PRMT7: variants seen among roughly 807,000 people sequenced by gnomAD.
PRMT7 encodes the protein protein arginine N-methyltransferase 7.
In PRMT7, 75 loss-of-function variants were observed where a neutral mutation model predicts 85.4. The ratio of observed to expected loss-of-function variants is 0.88; its 90% CI spans 0.73 to 1.06. The LOEUF (loss-of-function observed/expected upper bound fraction) is 1.06. Among genes scored for constraint, PRMT7 ranks in the 50% least tolerant of loss-of-function variants. The pLI is 0.00. For missense variants in PRMT7, 868 were observed against 915.2 expected (o/e 0.95, Z 0.67); for synonymous variants, 397 against 359.5 (o/e 1.10, Z -1.18).
chr16:68,346,666 CT>C (rs2086443428), intron 11 of PRMT7, among the ~76,000 whole-genome samples: 1 of 152,106 alleles, frequency 6.6e-6, no homozygotes, highest in South Asian at 2.1e-4. Flanking sequence ...CCTTTGCTCC[CT>C]GCTACCTGTA....
chr16:68,336,805 T>C (rs1219694974), intron 6 of PRMT7, among the ~76,000 whole-genome samples: 1 of 152,108 alleles, frequency 6.6e-6, no homozygotes, highest in Non-Finnish European at 1.5e-5. Context: ...CAGGCTGGAG[T>C]ACAGTGGCAC....
intron 1 of PRMT7, chr16:68,311,377 A>G (rs1270524317): frequency 3.7e-6 from 1 of 273,440 alleles, no homozygotes; most frequent in Non-Finnish European, 7.2e-6. Flanking sequence ...CAGTAGCTCC[A>G]ACCATCGCAC....
At chr16:68,352,211 A>G (rs759763534) in intron 14 of PRMT7, 37 bp from the exon 15 acceptor site, 14 of 1,604,984 alleles carry the variant, frequency 8.7e-6, no homozygotes, top group Admixed American at 5.0e-5. Flanking sequence ...ACCGAGCCCT[A>G]CTGACACCTG....
intron 4 of PRMT7, 105 bp downstream of exon 4, chr16:68,321,567 A>C: frequency 9.0e-7 from 1 of 1,107,928 alleles, no homozygotes. Flanking sequence ...TGATACTGAG[A>C]GGCGTATGGT....
chr16:68,322,404 C>T (rs1259287171), intron 4 of PRMT7: 1 of 451,282 alleles, frequency 2.2e-6, no homozygotes, highest in Non-Finnish European at 4.4e-6. Flanking sequence ...CGCTGTATTG[C>T]CCAGGCTGGT....
At chr16:68,329,338 T>C (rs2083529615) in intron 6 of PRMT7, 164 bp downstream of exon 6, 3 of 528,484 alleles carry the variant, frequency 5.7e-6, no homozygotes, top group Admixed American at 3.2e-5. Flanking sequence ...ATGTTTATTT[T>C]CCTGCTAGTT....
intron 9 of PRMT7, among the ~76,000 whole-genome samples, chr16:68,343,291 A>G (rs1199598109): frequency 6.6e-6 from 1 of 152,144 alleles, no homozygotes; most frequent in South Asian, 2.1e-4. Flanking sequence ...TTAGTAGACA[A>G]ACAAGGTAAC....
intron 6 of PRMT7, among the ~76,000 whole-genome samples, chr16:68,331,574 C>G (rs1446123899): frequency 6.7e-6 from 1 of 150,276 alleles, no homozygotes; most frequent in Non-Finnish European, 1.5e-5. Context: ...CTCAAGCAGT[C>G]CTCCTGCTTC....
intron 2 of PRMT7, among the ~76,000 whole-genome samples, 178 bp downstream of exon 2, chr16:68,312,354 C>G (rs1289902848): frequency 6.6e-6 from 1 of 151,514 alleles, no homozygotes; most frequent in Non-Finnish European, 1.5e-5. Context: ...TCCCGAGTAG[C>G]TGGGAGTAAC....
chr16:68,356,036 C>T lies in PRMT7; in HGVS notation c.1811+153C>T, dbSNP rs188047213. Among the ~76,000 whole-genome samples, 50 of 152,324 alleles carry T rather than the reference C, an allele frequency of 3.3e-4. No homozygotes were observed. The East Asian group carries it at 8.1e-3, about 25-fold the overall frequency. On this transcript the variant is annotated intron_variant, in intron 17 of 18. Transcript: ENST00000441236. ...CCTTGCCCTTCCCTGTCAGAGTGGC[C>T]CTGCGCGTGTGGTGGTTCCCACGGT...
intron 14 of PRMT7, among the ~76,000 whole-genome samples, chr16:68,349,894 C>G (rs1352520695): frequency 1.3e-5 from 2 of 151,766 alleles, no homozygotes. Flanking sequence ...TACCTTGTCT[C>G]TAAAAAAAAT....
chr16:68,324,791 A>G lies in PRMT7; in HGVS notation c.241A>G (p.Met81Val). 6.2e-7 allele frequency: 1 copy of G among 1,614,214 alleles called. No individual in the cohort carries two copies. Among genetic ancestry groups the G allele is most frequent in the Non-Finnish European group, 8.5e-7 (1 of 1,180,028 alleles). Residue 81 changes from methionine (M) to valine (V), a missense_variant, in exon 5 of 19, where the codon ATG becomes GTG. By Grantham distance (21) the Met-to-Val change is conservative. Coordinates refer to ENST00000441236, the MANE Select transcript of PRMT7 (RefSeq NM_019023.5). ...IGTGTGLLSMMAVTAGADFCY... is the reference protein window; with the variant it reads ...IGTGTGLLSMVAVTAGADFCY... ...CACTGGCACGGGACTCTTGTCAATG[A>G]TGGCGGTCACAGCAGGTGCCGACTT...
At chr16:68,340,512 T>C (rs1478474878) in intron 9 of PRMT7, among the ~76,000 whole-genome samples, 2 of 151,500 alleles carry the variant, frequency 1.3e-5, no homozygotes, top group African/African-American at 2.4e-5. Flanking sequence ...ACCCAGGAAG[T>C]TGAGGCTGCA....
Position 68,357,201 on chromosome 16 carries a change from AG to A in PRMT7, c.2058del (p.Arg686SerfsTer11), listed in dbSNP as rs1207408556. On this transcript the variant is annotated frameshift_variant, in exon 19 of 19. Transcript: ENST00000441236. LOFTEE classifies it low-confidence loss of function (END_TRUNC). ...CACAGGCGACATCATCATGGAGTTCAGGCATGCAGATACCCCAGACTGACCA... is the reference window on the plus strand; with the variant it reads ...CACAGGCGACATCATCATGGAGTTCAGCATGCAGATACCCCAGACTGACCA... The part of the protein sequence containing the change: ...PDTGDIIMEF[R>X]HADTPD 2 of 1,613,282 alleles carry A rather than the reference AG, an allele frequency of 1.2e-6. No individual in the cohort carries two copies. The highest frequency in any genetic ancestry group is 1.7e-6 in the Non-Finnish European group (2 of 1,179,688).
At position 68,350,269 on chromosome 16, in the gene PRMT7, C is replaced by G. The variant is rs996102949; in HGVS notation, c.1413+1838C>G. 2.0e-5 allele frequency among the ~76,000 whole-genome samples: 3 copies of G among 152,194 alleles called. No individual in the cohort carries two copies. In the East Asian group the frequency reaches 5.8e-4, roughly 29 times the overall value. On this transcript the variant is annotated intron_variant, in intron 14 of 18. Transcript: ENST00000441236. ...CTTAGAGAGGATGTATGTCCTCAGT[C>G]TCTTATGCAGATGCCTTGGTGTGGA... is the stretch of plus-strand genomic sequence containing the variant.
At chr16:68,317,237 C>CAA (rs35849810) in intron 3 of PRMT7, among the ~76,000 whole-genome samples, 54,512 of 103,688 alleles carry the variant, frequency 0.53, 14,635 homozygotes, top group East Asian at 0.79. Flanking sequence ...GACTCTGTCT[C>CAA]AAAAAAAAAA....
intron 3 of PRMT7, chr16:68,316,740 T>C (rs111368654): frequency 0.023 from 3,466 of 152,856 alleles, 154 homozygotes; most frequent in African/African-American, 0.078. Flanking sequence ...CACTCCAGCC[T>C]GGGCAACAAG....
intron 7 of PRMT7, 93 bp downstream of exon 7, chr16:68,337,664 C>G (rs1256206813): frequency 1.0e-5 from 7 of 693,940 alleles, no homozygotes; most frequent in South Asian, 2.9e-5. Context: ...AGCCCAAGCC[C>G]TCAGCACCTC....
chr16:68,311,324 C>G (rs1478972881), intron 1 of PRMT7: 3 of 318,770 alleles, frequency 9.4e-6, no homozygotes, highest in South Asian at 8.0e-5. Flanking sequence ...GGGGCTCTGT[C>G]GCAGTACTCG....
Sources: allele counts gnomAD v4.1 joint callset (sites outside exome capture counted in the v4.1 genomes callset), GRCh38; gene constraint gnomAD v4.1.1; transcripts MANE v1.5; gene names NCBI Gene and HGNC (gene_info 2026-07-23, HGNC 2026-07-21).